SPACA7: variants seen among roughly 807,000 people sequenced by gnomAD.
The protein encoded by SPACA7 is sperm acrosome associated 7.
SPACA7 carries 19 observed loss-of-function variants against 26.3 expected under a neutral mutation model. The ratio of observed to expected loss-of-function variants is 0.72; its 90% CI spans 0.50 to 1.06. SPACA7 has a LOEUF of 1.06. Ranked by LOEUF, SPACA7 falls within the 50% of genes least tolerant of loss-of-function variation. SPACA7 has a pLI of 0.00. For missense variants in SPACA7, 211 were observed against 229.9 expected, an observed-to-expected ratio of 0.92 and a Z score of 0.53; for synonymous variants, 84 against 84.5, an observed-to-expected ratio of 0.99 and a Z score of 0.04.
chr13:112,382,471 G>T, intron 1 of SPACA7: 1 of 1,550,438 alleles, frequency 6.4e-7, no homozygotes, highest in Non-Finnish European at 8.7e-7. Flanking sequence ...TCTTCCCACT[G>T]ACAGGGGACG....
In SPACA7 at chr13:112,382,350, A is replaced by T. The variant is rs1230894067; in HGVS notation, c.94+5871A>T. ...CTTGACCTCATGGTCCGCCCGCCTC[A>T]GCCTCCCAAAGTGCTGGGACTACAG... On this transcript the variant is annotated intron_variant, in intron 1 of 6. Coordinates refer to ENST00000283550, the MANE Select transcript of SPACA7 (RefSeq NM_145248.5). 3 of 1,429,912 alleles carry T rather than the reference A, an allele frequency of 2.1e-6. No homozygotes were observed. The Admixed American group carries it at 7.7e-5, about 37-fold the overall frequency. The allele number at this position is 1,429,912 out of a possible 1,614,324, so 88.6% of individuals were successfully genotyped here. A position where few individuals can be genotyped will look rare whatever the true frequency, so the allele number is the denominator to read the frequency against.
Position 112,391,928 on chromosome 13 carries a change from G to A in SPACA7, c.95-1093G>A, listed in dbSNP as rs551427503. Among the ~76,000 whole-genome samples, 23 of 152,268 alleles carry A rather than the reference G, an allele frequency of 1.5e-4. No individual in the cohort carries two copies. In the South Asian group the frequency reaches 4.1e-3, roughly 27 times the overall value. Reference sequence around the variant, plus strand: ...CTCAGACCTTTTTGCATATTTTCCCGCATTGTTCTGAGCCTGCATGTGCGC... The same window carrying A: ...CTCAGACCTTTTTGCATATTTTCCCACATTGTTCTGAGCCTGCATGTGCGC... On this transcript the variant is annotated intron_variant, in intron 1 of 6. Coordinates refer to ENST00000283550, the MANE Select transcript of SPACA7 (RefSeq NM_145248.5).
intron 5 of SPACA7, among the ~76,000 whole-genome samples, chr13:112,421,709 T>A (rs769889747): frequency 6.6e-6 from 1 of 152,118 alleles, no homozygotes; most frequent in Non-Finnish European, 1.5e-5. Flanking sequence ...GAAATCACCC[T>A]AAATGCCAAT....
At position 112,381,697 on chromosome 13, in the gene SPACA7, C is replaced by T. The variant is rs190008621; in HGVS notation, c.94+5218C>T. 4.0e-3 allele frequency among the ~76,000 whole-genome samples: 616 copies of T among 152,212 alleles called. 2 individuals carry two copies. Among genetic ancestry groups the T allele is most frequent in the African/African-American group, 0.014 (578 of 41,518 alleles). On this transcript the variant is annotated intron_variant, in intron 1 of 6. Transcript: ENST00000283550. ...AGGCATTCGGGAAACAGAGTTTTTA[C>T]GGATAACTTTGTGGGTGGAGGGAAG...
At chr13:112,384,114 G>T (rs1884382867) in intron 1 of SPACA7, among the ~76,000 whole-genome samples, 1 of 152,060 alleles carries the variant, frequency 6.6e-6, no homozygotes, top group Admixed American at 6.6e-5. Flanking sequence ...TCTAAAGTTT[G>T]GGTTTTTTCT....
chr13:112,427,542 A>G (rs1214994120), intron 5 of SPACA7, among the ~76,000 whole-genome samples: 1 of 152,150 alleles, frequency 6.6e-6, no homozygotes, highest in Non-Finnish European at 1.5e-5. Context: ...TTTGGTTTTA[A>G]GGTAATAATG....
chr13:112,413,620 T>C (rs566693374), intron 5 of SPACA7, among the ~76,000 whole-genome samples: 1 of 152,216 alleles, frequency 6.6e-6, no homozygotes, highest in Non-Finnish European at 1.5e-5. Context: ...TCAGTATTCC[T>C]ATATTTCTCT....
At chr13:112,401,271 T>A in intron 5 of SPACA7, 107 bp downstream of exon 5, 2 of 787,502 alleles carry the variant, frequency 2.5e-6, no homozygotes, top group Non-Finnish European at 4.3e-6. Context: ...GTTATGCCAT[T>A]AGGTTTCCAC....
intron 1 of SPACA7, among the ~76,000 whole-genome samples, chr13:112,383,785 T>C (rs1313974467): frequency 6.6e-6 from 1 of 152,242 alleles, no homozygotes; most frequent in Non-Finnish European, 1.5e-5. Flanking sequence ...TAACTTTGAT[T>C]CTTTAAAGAA....
In SPACA7 at chr13:112,376,485, G is replaced by A; in HGVS notation, c.94+6G>A. ...GCCGAGAACCGTGATTCCAGGTAGGGCCCCACAGGGATGTCTCAGCAGAAA... is the reference window on the plus strand; with the variant it reads ...GCCGAGAACCGTGATTCCAGGTAGGACCCCACAGGGATGTCTCAGCAGAAA... On this transcript the variant is annotated splice_donor_region_variant and intron_variant, in intron 1 of 6. Coordinates refer to ENST00000283550, the MANE Select transcript of SPACA7 (RefSeq NM_145248.5). 1 of 1,610,972 alleles carries A rather than the reference G, an allele frequency of 6.2e-7. No homozygotes were observed.
chr13:112,392,898 T>C (rs556938482), intron 1 of SPACA7, 123 bp from the exon 2 acceptor site: 2 of 667,354 alleles, frequency 3.0e-6, no homozygotes, highest in South Asian at 5.0e-5. Flanking sequence ...AGACTGGAAC[T>C]TGGGCAGGGC....
intron 5 of SPACA7, 97 bp from the exon 6 acceptor site, chr13:112,432,347 G>A: frequency 1.0e-6 from 1 of 964,658 alleles, no homozygotes; most frequent in South Asian, 1.4e-5. Context: ...GTGCTGCTTT[G>A]CTCAGCGCTT....
intron 5 of SPACA7, among the ~76,000 whole-genome samples, chr13:112,430,075 A>G (rs1594336136): frequency 6.6e-6 from 1 of 151,788 alleles, no homozygotes; most frequent in African/African-American, 2.4e-5. Context: ...CTGCCTGTTC[A>G]GTTGTGTGGT....
chr13:112,403,524 T>A (rs1475649546), intron 5 of SPACA7, among the ~76,000 whole-genome samples: 1 of 152,074 alleles, frequency 6.6e-6, no homozygotes, highest in African/African-American at 2.4e-5. Context: ...GCACCCATCA[T>A]CCGAACAGTA....
intron 5 of SPACA7, among the ~76,000 whole-genome samples, chr13:112,413,800 T>C (rs1396095789): frequency 1.3e-5 from 2 of 152,198 alleles, no homozygotes; most frequent in Non-Finnish European, 2.9e-5. Context: ...ATGGCCTAAG[T>C]ATTAGTCCCT....
chr13:112,432,947 C>G (rs1877315045), intron 6 of SPACA7, among the ~76,000 whole-genome samples: 1 of 152,304 alleles, frequency 6.6e-6, no homozygotes, highest in South Asian at 2.1e-4. Flanking sequence ...GACCCCCAGT[C>G]CAGCCCTTCT....
intron 5 of SPACA7, among the ~76,000 whole-genome samples, chr13:112,431,238 T>C (rs959538900): frequency 6.6e-6 from 1 of 152,260 alleles, no homozygotes; most frequent in Non-Finnish European, 1.5e-5. Flanking sequence ...CTTTAATGAA[T>C]GTTTGCAGAT....
At chr13:112,426,146 C>G (rs192584330) in intron 5 of SPACA7, among the ~76,000 whole-genome samples, 121 of 152,280 alleles carry the variant, frequency 7.9e-4, no homozygotes, top group African/African-American at 2.8e-3. Context: ...ATATTCATGT[C>G]CAATTGTTCC....
chr13:112,397,280 A>G (rs561146023), intron 2 of SPACA7, among the ~76,000 whole-genome samples: 1 of 152,164 alleles, frequency 6.6e-6, no homozygotes, highest in African/African-American at 2.4e-5. Context: ...TCTGGGCTAA[A>G]CCCAGAGGGC....
Sources: gnomAD v4.1 joint callset for allele counts (sites outside exome capture counted in the v4.1 genomes callset) on GRCh38, gnomAD v4.1.1 for gene constraint, MANE v1.5 for transcripts, NCBI Gene and HGNC (gene_info 2026-07-23, HGNC 2026-07-21) for gene names.